The following ROBO1 variants were observed in gnomAD, a reference collection of about 807,000 sequenced individuals.
The protein encoded by ROBO1 is roundabout guidance receptor 1.
A neutral mutation model predicts 195.9 loss-of-function variants in ROBO1; 149 were observed. That is an observed-to-expected ratio of 0.76 (90% CI 0.67 to 0.87). The LOEUF (loss-of-function observed/expected upper bound fraction) is 0.87. Among genes scored for constraint, ROBO1 ranks in the 40% least tolerant of loss-of-function variants. ROBO1 has a pLI of 0.00. For missense variants in ROBO1, 1,933 were observed against 2,068.3 expected, an observed-to-expected ratio of 0.93 and a Z score of 1.27; for synonymous variants, 816 against 733.2, an observed-to-expected ratio of 1.11 and a Z score of -1.82.
At chr3:78,808,268 A>G (rs1217099206) in intron 4 of ROBO1, among the ~76,000 whole-genome samples, 1 of 152,032 alleles carries the variant, frequency 6.6e-6, no homozygotes, top group African/African-American at 2.4e-5. Context: ...GTGGTGGTGC[A>G]ATCTCGGCTC....
chr3:79,120,526 T>G (rs546148886), intron 3 of ROBO1, among the ~76,000 whole-genome samples: 1 of 152,176 alleles, frequency 6.6e-6, no homozygotes, highest in African/African-American at 2.4e-5. Context: ...CTTCTTTTAA[T>G]TAGTGAAGAA....
At chr3:79,701,036 T>C (rs1204953175) in intron 1 of ROBO1, among the ~76,000 whole-genome samples, 1 of 151,892 alleles carries the variant, frequency 6.6e-6, no homozygotes, top group Admixed American at 6.6e-5. Flanking sequence ...TTCATTCTTC[T>C]GCATATGGTA....
At chr3:79,740,257 A>T (rs1326392730) in intron 1 of ROBO1, among the ~76,000 whole-genome samples, 1 of 138,544 alleles carries the variant, frequency 7.2e-6, no homozygotes, top group Non-Finnish European at 1.6e-5. Flanking sequence ...ATATATACTG[A>T]ACTGCATACT....
intron 8 of ROBO1, chr3:78,693,271 A>C: frequency 6.5e-7 from 1 of 1,539,766 alleles, no homozygotes; most frequent in Non-Finnish European, 8.8e-7. Flanking sequence ...ATGGAAGGGT[A>C]TGGATGGAAA....
chr3:79,269,983 A>AC (rs2030371326), intron 2 of ROBO1, among the ~76,000 whole-genome samples: 1 of 151,860 alleles, frequency 6.6e-6, no homozygotes. Context: ...TCTGAAAATC[A>AC]CTTGCAGTAA....
intron 2 of ROBO1, among the ~76,000 whole-genome samples, chr3:79,436,372 A>T (rs1157890458): frequency 6.6e-6 from 1 of 151,940 alleles, no homozygotes; most frequent in Non-Finnish European, 1.5e-5. Context: ...TTTGGTGAAC[A>T]TGAAAATTCT....
At chr3:79,583,226 A>C (rs1943715139) in intron 2 of ROBO1, among the ~76,000 whole-genome samples, 2 of 152,020 alleles carry the variant, frequency 1.3e-5, no homozygotes, top group Non-Finnish European at 2.9e-5. Context: ...CATTAAGTTT[A>C]TTATGTAGTT....
intron 2 of ROBO1, among the ~76,000 whole-genome samples, chr3:79,151,462 T>A (rs1485867406): frequency 6.6e-6 from 1 of 151,746 alleles, no homozygotes; most frequent in Non-Finnish European, 1.5e-5. Flanking sequence ...TATCTATCAC[T>A]TCTTAATCGC....
intron 3 of ROBO1, among the ~76,000 whole-genome samples, chr3:79,108,363 GATAA>G (rs1016067367): frequency 2.0e-5 from 3 of 151,324 alleles, no homozygotes; most frequent in African/African-American, 7.3e-5. Context: ...TCACTTTAAA[GATAA>G]ATAAAAAAAA....
intron 16 of ROBO1, 97 bp from the exon 17 acceptor site, chr3:78,659,904 T>TATATCA: frequency 1.3e-6 from 1 of 783,630 alleles, no homozygotes; most frequent in Non-Finnish European, 1.9e-6. Flanking sequence ...GTATTAATAC[T>TATATCA]ATATCAATAT....
chr3:79,217,022 T>C (rs1388346831), intron 2 of ROBO1, among the ~76,000 whole-genome samples: 1 of 152,124 alleles, frequency 6.6e-6, no homozygotes, highest in Non-Finnish European at 1.5e-5. Context: ...ATTAATGTAA[T>C]GTAGACCATT....
chr3:79,242,391 A>G lies in ROBO1; in HGVS notation c.89-116852T>C, dbSNP rs866957900. ...TTAAGGGCCTGGGCCTCCTATATAT[A>G]ATATTTGCATCCTAGCTGTAAAAAC... On this transcript the variant is annotated intron_variant, in intron 2 of 30. Coordinates refer to ENST00000464233, the MANE Select transcript of ROBO1 (RefSeq NM_002941.4). 2.8e-4 allele frequency among the ~76,000 whole-genome samples: 43 copies of G among 152,318 alleles called. 1 individual carries two copies. The highest frequency in any genetic ancestry group is 9.9e-4 in the African/African-American group (41 of 41,570).
At chr3:79,054,444 G>A (rs1378002072) in intron 3 of ROBO1, among the ~76,000 whole-genome samples, 2 of 151,942 alleles carry the variant, frequency 1.3e-5, no homozygotes, top group Admixed American at 1.3e-4. Context: ...GTGTAAAATG[G>A]CCATGCATTC....
chr3:78,624,263 T>C (rs1704624055), intron 26 of ROBO1, among the ~76,000 whole-genome samples: 1 of 152,154 alleles, frequency 6.6e-6, no homozygotes, highest in Non-Finnish European at 1.5e-5. Context: ...ACTGGGACTT[T>C]TATATTTTCA....
intron 1 of ROBO1, among the ~76,000 whole-genome samples, chr3:79,766,236 A>G (rs894756075): frequency 2.0e-5 from 3 of 151,828 alleles, no homozygotes; most frequent in Non-Finnish European, 4.4e-5. Context: ...CTGACCATTG[A>G]CCATAATTGC....
chr3:79,608,487 G>A (rs1944557750), intron 1 of ROBO1, among the ~76,000 whole-genome samples: 2 of 151,976 alleles, frequency 1.3e-5, no homozygotes, highest in South Asian at 2.1e-4. Flanking sequence ...CACTCTAGCA[G>A]TTAGTGACAC....
intron 2 of ROBO1, among the ~76,000 whole-genome samples, chr3:79,386,350 G>C (rs1453418356): frequency 6.6e-6 from 1 of 151,980 alleles, no homozygotes; most frequent in Non-Finnish European, 1.5e-5. Flanking sequence ...GGAAGAGGAA[G>C]GAAAATAAAA....
chr3:79,459,183 T>C (rs1050924422), intron 2 of ROBO1, among the ~76,000 whole-genome samples: 10 of 151,522 alleles, frequency 6.6e-5, no homozygotes, highest in Non-Finnish European at 1.3e-4. Context: ...GTTCCTATGT[T>C]CAATTTTCCT....
chr3:79,752,004 A>G (rs974912118), intron 1 of ROBO1, among the ~76,000 whole-genome samples: 11 of 152,166 alleles, frequency 7.2e-5, no homozygotes, highest in African/African-American at 2.4e-5. Context: ...TATGCATAGC[A>G]GCTACAAACG....
Sources: allele counts gnomAD v4.1 joint callset (sites outside exome capture counted in the v4.1 genomes callset), GRCh38; gene constraint gnomAD v4.1.1; transcripts MANE v1.5; gene names NCBI Gene and HGNC (gene_info 2026-07-23, HGNC 2026-07-21).